Variants in FLT4 observed in about 807,000 individuals in gnomAD.
The protein encoded by FLT4 is fms related receptor tyrosine kinase 4.
In FLT4, 30 loss-of-function variants were observed where a neutral mutation model predicts 163.2. That is an observed-to-expected ratio of 0.18 (90% CI 0.14 to 0.25). FLT4 has a LOEUF of 0.25. Among genes scored for constraint, FLT4 ranks in the 10% least tolerant of loss-of-function variants. FLT4 has a pLI of 1.00. For missense variants in FLT4, 1,510 were observed against 1,863.8 expected (o/e 0.81, Z 3.50); for synonymous variants, 884 against 789.5 (o/e 1.12, Z -2.01).
chr5:180,625,829 T>C, intron 10 of FLT4, 40 bp downstream of exon 10: 1 of 1,590,636 alleles, frequency 6.3e-7, no homozygotes, highest in African/African-American at 1.4e-5. Context: ...GGCTGGGGGC[T>C]GTGGCTGTGC....
chr5:180,630,873 G>A lies in FLT4; in HGVS notation c.156-74C>T. Reference sequence around the variant, plus strand: ...GACTGTCCCTGAGAAGCCTCCCTCAGGCCGAGCCTCACCAGGTTTGTCTTA... The same window carrying A: ...GACTGTCCCTGAGAAGCCTCCCTCAAGCCGAGCCTCACCAGGTTTGTCTTA... On this transcript the variant is annotated intron_variant, in intron 2 of 29. Coordinates refer to ENST00000261937, the MANE Select transcript of FLT4 (RefSeq NM_182925.5). The surrounding 1 kb of genome is among the most constrained non-coding windows in gnomAD (Gnocchi z 6.3). 6.7e-7 allele frequency: 1 copy of A among 1,495,062 alleles called. No individual in the cohort carries two copies. Among genetic ancestry groups the A allele is most frequent in the Non-Finnish European group, 8.9e-7 (1 of 1,121,780 alleles). The allele number at this position is 1,495,062 out of a possible 1,614,324, so 92.6% of individuals were successfully genotyped here. A position where few individuals can be genotyped will look rare whatever the true frequency, so the allele number is the denominator to read the frequency against.
intron 1 of FLT4, among the ~76,000 whole-genome samples, chr5:180,641,382 G>A (rs924344897): frequency 6.6e-6 from 1 of 152,244 alleles, no homozygotes; most frequent in Non-Finnish European, 1.5e-5. Context: ...CCCTGCGGTG[G>A]CCACCCTGGG....
chr5:180,613,240 G>A (rs1762352137), intron 24 of FLT4, 130 bp from the exon 25 acceptor site: 3 of 639,088 alleles, frequency 4.7e-6, no homozygotes, highest in Non-Finnish European at 5.4e-6. Flanking sequence ...CCGTGGTGGG[G>A]TGGAGATGGC....
At chr5:180,644,391 G>T (rs1313082133) in intron 1 of FLT4, among the ~76,000 whole-genome samples, 2 of 152,174 alleles carry the variant, frequency 1.3e-5, no homozygotes, top group Non-Finnish European at 2.9e-5. Context: ...AAGGTCTCTG[G>T]GACAGCAAAG....
In FLT4 at chr5:180,649,423, G is replaced by C. The variant is rs1218702731; in HGVS notation, c.58+65C>G. ...CGGAGCGGTCTCAGCGCCCGCCCCA[G>C]GTGCGCGGTACCCCCTCCCCGGCCA... On this transcript the variant is annotated intron_variant, in intron 1 of 29. Coordinates refer to ENST00000261937, the MANE Select transcript of FLT4 (RefSeq NM_182925.5). 4.7e-6 allele frequency: 6 copies of C among 1,266,958 alleles called. No homozygotes were observed. In the South Asian group the frequency reaches 7.1e-5, roughly 15 times the overall value. The allele number at this position is 1,266,958 out of a possible 1,614,324, so 78.5% of individuals were successfully genotyped here.
chr5:180,642,152 G>A (rs190335276), intron 1 of FLT4, among the ~76,000 whole-genome samples: 1,838 of 151,572 alleles, frequency 0.012, 43 homozygotes, highest in African/African-American at 0.04. Context: ...GCTTGCAGTG[G>A]GCCGAGATCG....
intron 8 of FLT4, among the ~76,000 whole-genome samples, chr5:180,626,812 C>T (rs1763655015): frequency 6.6e-6 from 1 of 152,180 alleles, no homozygotes; most frequent in South Asian, 2.1e-4. Context: ...TCTTGCTGCC[C>T]ACACCCCGCC....
In FLT4 at chr5:180,621,748, G is replaced by A. The variant is rs2127817214; in HGVS notation, c.1814C>T (p.Pro605Leu). The change falls in exon 13 of 30, where the codon CCG becomes CTG. Residue 605 changes from proline to leucine, a missense_variant. By Grantham distance (98) the Pro-to-Leu change is moderately conservative (BLOSUM62 -3). Coordinates refer to ENST00000261937, the MANE Select transcript of FLT4 (RefSeq NM_182925.5). ...LSTLHDAHGN[P>L]LLLDCKNVHL... ...CACGTTCTTGCAGTCGAGCAGAAGC[G>A]GGTTCCCGTGCGCATCGTGCAGCGT... 3.7e-6 allele frequency: 6 copies of A among 1,613,118 alleles called. No homozygotes were observed. Among genetic ancestry groups the A allele is most frequent in the East Asian group, 2.2e-5 (1 of 44,882 alleles).
At chr5:180,637,638 T>G (rs1411820627) in intron 1 of FLT4, among the ~76,000 whole-genome samples, 1 of 152,164 alleles carries the variant, frequency 6.6e-6, no homozygotes, top group African/African-American at 2.4e-5. Context: ...GTTCAAGTGA[T>G]TCTCCTGCCT....
rs751708644 is a variant in FLT4, at chr5:180,602,984, C to T, written c.*208G>A. 6.6e-5 allele frequency: 40 copies of T among 609,020 alleles called. No individual in the cohort carries two copies. Among genetic ancestry groups the T allele is most frequent in the African/African-American group, 9.2e-5 (5 of 54,238 alleles). 37.7% of individuals were successfully genotyped at this position (609,020 alleles called of 1,614,324 possible). A position where few individuals can be genotyped will look rare whatever the true frequency, so the allele number is the denominator to read the frequency against. Reference sequence around the variant, plus strand: ...GGGGGAGGGGCCGGGGCAGCTGGAGCGTGGCCCTGGCCAGTCGTGGTGACG... The same window carrying T: ...GGGGGAGGGGCCGGGGCAGCTGGAGTGTGGCCCTGGCCAGTCGTGGTGACG... On this transcript the variant is annotated 3_prime_UTR_variant, in exon 30 of 30. Transcript: ENST00000261937.
At chr5:180,625,809 T>C (rs1469071914) in intron 10 of FLT4, 60 bp downstream of exon 10, 1 of 1,545,380 alleles carries the variant, frequency 6.5e-7, no homozygotes, top group Non-Finnish European at 8.9e-7. Context: ...AGGAGGTTCC[T>C]CATGGCTGAG....
In FLT4 at chr5:180,623,164, G is replaced by A. The variant is rs1396379979; in HGVS notation, c.1549-325C>T. ...GTGGCTATGTTGAGGGGGCACCAGC[G>A]TCAGTGCAAGCCAGGGTGAGAATTC... On this transcript the variant is annotated intron_variant, in intron 11 of 29. Coordinates refer to ENST00000261937, the MANE Select transcript of FLT4 (RefSeq NM_182925.5). This position sits in a 1 kb window ranked among gnomAD's most constrained non-coding sequence, Gnocchi z 5.8. 1.3e-5 allele frequency among the ~76,000 whole-genome samples: 2 copies of A among 152,198 alleles called. No homozygotes were observed. Among genetic ancestry groups the A allele is most frequent in the Admixed American group, 6.5e-5 (1 of 15,286 alleles).
chr5:180,610,973 C>T (rs1022425334), intron 27 of FLT4, among the ~76,000 whole-genome samples: 12 of 152,184 alleles, frequency 7.9e-5, no homozygotes, highest in Admixed American at 1.3e-4. Context: ...AGGAGAATGG[C>T]GTGAACCTGG....
At position 180,623,294 on chromosome 5, in the gene FLT4, T is replaced by G. The variant is rs553440739; in HGVS notation, c.1549-455A>C. Among the ~76,000 whole-genome samples, 12 of 152,078 alleles carry G rather than the reference T, an allele frequency of 7.9e-5. No homozygotes were observed. Among genetic ancestry groups the G allele is most frequent in the Admixed American group, 6.5e-4 (10 of 15,286 alleles). On this transcript the variant is annotated intron_variant, in intron 11 of 29. Coordinates refer to ENST00000261937, the MANE Select transcript of FLT4 (RefSeq NM_182925.5). The surrounding 1 kb of genome is among the most constrained non-coding windows in gnomAD (Gnocchi z 5.8). The stretch of plus-strand genomic sequence containing the variant: ...AGATGGCCTCCTCAGCCCAGAACTG[T>G]CCTCAGCAGCAATCCCGAGGCCCAG...
At chr5:180,624,902 C>G (rs1289013657) in intron 10 of FLT4, among the ~76,000 whole-genome samples, 1 of 152,262 alleles carries the variant, frequency 6.6e-6, no homozygotes, top group Non-Finnish European at 1.5e-5. Context: ...CAGGGACCCC[C>G]CGAAGGGCTC....
chr5:180,631,794 G>A lies in FLT4; in HGVS notation c.59-16C>T, dbSNP rs1217370329. The A allele has an allele frequency of 6.4e-7, 1 of 1,568,958 alleles. No individual in the cohort carries two copies. The highest frequency in any genetic ancestry group is 2.2e-5 in the East Asian group (1 of 44,716). On this transcript the variant is annotated splice_polypyrimidine_tract_variant and intron_variant, in intron 1 of 29. Transcript: ENST00000261937. ...CTCACCAGGCCTGGGGTGGGAGACA[G>A]GGTCAGCGTGGTGCTGGGCTGTGAC... is the stretch of plus-strand genomic sequence containing the variant.
intron 8 of FLT4, among the ~76,000 whole-genome samples, chr5:180,627,221 G>A (rs914581660): frequency 1.3e-5 from 2 of 152,296 alleles, no homozygotes; most frequent in South Asian, 2.1e-4. Flanking sequence ...ACTGTGTCCT[G>A]GGAGAGGCAC....
intron 8 of FLT4, among the ~76,000 whole-genome samples, chr5:180,627,709 G>T (rs551592314): frequency 3.0e-4 from 46 of 152,336 alleles, no homozygotes; most frequent in African/African-American, 1.1e-3. Context: ...GCTGCCTGAG[G>T]ACTGGGTAGA....
intron 1 of FLT4, among the ~76,000 whole-genome samples, chr5:180,643,957 G>C (rs1765329520): frequency 6.6e-6 from 1 of 152,130 alleles, no homozygotes; most frequent in Admixed American, 6.5e-5. Context: ...GAGTAGTTGG[G>C]ATTACAGACG....
Sources: gnomAD v4.1 joint callset for allele counts (sites outside exome capture counted in the v4.1 genomes callset) on GRCh38, gnomAD v4.1.1 for gene constraint, Gnocchi (gnomAD v3.1) non-coding constraint, MANE v1.5 for transcripts, NCBI Gene and HGNC (gene_info 2026-07-23, HGNC 2026-07-21) for gene names.